THADA: variants seen among roughly 807,000 people sequenced by gnomAD.
THADA encodes the protein tRNA (32-2'-O)-methyltransferase regulator THADA.
In THADA, 213 loss-of-function variants were observed where a neutral mutation model predicts 219.8. The ratio of observed to expected loss-of-function variants is 0.97; its 90% confidence interval spans 0.87 to 1.09. The LOEUF (loss-of-function observed/expected upper bound fraction) is 1.09, where lower values mean the gene tolerates loss of function less well. THADA is among the 50% of genes least tolerant of loss of function. THADA has a pLI of 0.00. For missense variants in THADA, 2,956 were observed against 2,311.3 expected (o/e 1.28, Z -5.72); for synonymous variants, 1,018 against 828.9 (o/e 1.23, Z -3.92).
intron 30 of THADA, among the ~76,000 whole-genome samples, chr2:43,328,959 C>T (rs1256332082): frequency 1.3e-5 from 2 of 152,152 alleles, no homozygotes; most frequent in Non-Finnish European, 2.9e-5. Context: ...TTCTATTAGG[C>T]ATCTTGTTCT....
intron 28 of THADA, chr2:43,408,276 T>A (rs1423685831): frequency 6.6e-6 from 1 of 152,178 alleles, no homozygotes; most frequent in Non-Finnish European, 1.5e-5. Context: ...GTCAAATCAC[T>A]TACAGTCATT....
chr2:43,367,693 C>T (rs1015250821), intron 29 of THADA, among the ~76,000 whole-genome samples: 4 of 152,128 alleles, frequency 2.6e-5, no homozygotes, highest in Admixed American at 6.5e-5. Flanking sequence ...TATTGAGTGA[C>T]GCTGCAACAA....
rs1340067743 is a variant in THADA at position 43,486,446 on chromosome 2, G to T, written c.3745-1121C>A. 2.0e-5 allele frequency: 3 copies of T among 152,156 alleles called. No individual in the cohort carries two copies. The East Asian group carries it at 5.8e-4, about 29-fold the overall frequency. 9.4% of individuals were successfully genotyped at this position (152,156 alleles called of 1,614,324 possible). The stretch of plus-strand genomic sequence containing the variant: ...ATATATATGTACTCACCTTGCTACA[G>T]TGTGTAAGGCCCTATACCAGCACCA... On this transcript the variant is annotated intron_variant, in intron 25 of 37. Coordinates refer to ENST00000405975, the MANE Select transcript of THADA (RefSeq NM_022065.5).
chr2:43,335,416 T>C (rs888953342), intron 30 of THADA, among the ~76,000 whole-genome samples: 4 of 152,186 alleles, frequency 2.6e-5, no homozygotes, highest in African/African-American at 9.7e-5. Context: ...CTGTGGGCTG[T>C]AGTACTCCAC....
At chr2:43,349,475 A>C (rs926872594) in intron 29 of THADA, among the ~76,000 whole-genome samples, 1 of 152,222 alleles carries the variant, frequency 6.6e-6, no homozygotes. Context: ...AAATATGTCT[A>C]GTTTATGCTG....
At chr2:43,527,689 T>G (rs991086228) in intron 22 of THADA, among the ~76,000 whole-genome samples, 190 bp downstream of exon 22, 5 of 152,206 alleles carry the variant, frequency 3.3e-5, no homozygotes, top group Non-Finnish European at 7.3e-5. Flanking sequence ...TAACTCAGTT[T>G]GGACGTTTCA....
At chr2:43,389,956 G>A (rs1255178086) in intron 29 of THADA, among the ~76,000 whole-genome samples, 1 of 152,158 alleles carries the variant, frequency 6.6e-6, no homozygotes, top group Non-Finnish European at 1.5e-5. Context: ...CTTGAGAGCA[G>A]AGAATATGCT....
At chr2:43,346,807 G>A (rs1266820922) in intron 29 of THADA, among the ~76,000 whole-genome samples, 1 of 152,190 alleles carries the variant, frequency 6.6e-6, no homozygotes, top group Non-Finnish European at 1.5e-5. Flanking sequence ...TCCTGACTCT[G>A]CCTGGTCATG....
chr2:43,344,023 T>G (rs1189429797), intron 30 of THADA, 99 bp downstream of exon 30: 8 of 815,902 alleles, frequency 9.8e-6, no homozygotes, highest in African/African-American at 1.7e-5. Flanking sequence ...AGAAAACTCA[T>G]GCCAATGACT....
chr2:43,262,268 G>T (rs571254569), intron 36 of THADA, among the ~76,000 whole-genome samples: 3 of 152,230 alleles, frequency 2.0e-5, no homozygotes, highest in Non-Finnish European at 2.9e-5. Context: ...GACTTTGGGG[G>T]CACTCCTTGA....
At chr2:43,380,178 T>TA (rs1294367843) in intron 29 of THADA, among the ~76,000 whole-genome samples, 1 of 152,168 alleles carries the variant, frequency 6.6e-6, no homozygotes, top group Non-Finnish European at 1.5e-5. Flanking sequence ...CGCAAATGTT[T>TA]AAAAAATCAA....
intron 29 of THADA, among the ~76,000 whole-genome samples, chr2:43,345,991 A>C (rs573591183): frequency 1.3e-5 from 2 of 152,326 alleles, no homozygotes; most frequent in African/African-American, 4.8e-5. Context: ...CAATTCTGTC[A>C]CATTGGGTAC....
At chr2:43,349,895 G>A (rs1372387576) in intron 29 of THADA, among the ~76,000 whole-genome samples, 1 of 152,180 alleles carries the variant, frequency 6.6e-6, no homozygotes. Flanking sequence ...CTTCAGCCAA[G>A]TATAAAATTT....
intron 7 of THADA, among the ~76,000 whole-genome samples, chr2:43,583,807 C>G (rs1700713463): frequency 6.6e-6 from 1 of 152,014 alleles, no homozygotes; most frequent in Non-Finnish European, 1.5e-5. Flanking sequence ...CTTTGGGGGA[C>G]TGGGGCAGGG....
rs558558115 is a variant in THADA at position 43,429,760 on chromosome 2, T to A, written c.3926+453A>T. On this transcript the variant is annotated intron_variant, in intron 27 of 37. Coordinates refer to ENST00000405975, the MANE Select transcript of THADA (RefSeq NM_022065.5). ...AAAATTTAACATAAAATAGCATTTT[T>A]AAAATATAAAGACAGGATTTTACAT... is the stretch of plus-strand genomic sequence containing the variant. 2.7e-4 allele frequency among the ~76,000 whole-genome samples: 41 copies of A among 152,028 alleles called. No homozygotes were observed. The East Asian group carries it at 6.7e-3, about 25-fold the overall frequency.
chr2:43,486,207 G>C (rs548586881), intron 25 of THADA, among the ~76,000 whole-genome samples: 1 of 152,278 alleles, frequency 6.6e-6, no homozygotes, highest in East Asian at 1.9e-4. Flanking sequence ...AACTTACCAA[G>C]TAATTTCAAT....
In THADA at chr2:43,515,106, ATATTTTATATATAATATATT is replaced by A. The variant is rs1691280082; in HGVS notation, c.3375-6346_3375-6327del. ...TATAAATATATATATTATATATAATATATTTTATATATAATATATTTTATATATAATATATAATATATTTT... is the reference window on the plus strand; with the variant it reads ...TATAAATATATATATTATATATAATATTATATATAATATATAATATATTTT... On this transcript the variant is annotated intron_variant, in intron 22 of 37. Transcript: ENST00000405975. Among the ~76,000 whole-genome samples, 2 of 24,472 alleles carry A rather than the reference ATATTTTATATATAATATATT, an allele frequency of 8.2e-5. 1 individual carries two copies. Among genetic ancestry groups the A allele is most frequent in the African/African-American group, 2.7e-4 (2 of 7,368 alleles). The allele number at this position is 24,472 out of a possible 152,430, so 16.1% of individuals were successfully genotyped here. A position where few individuals can be genotyped will look rare whatever the true frequency, so the allele number is the denominator to read the frequency against.
chr2:43,581,795 T>A lies in THADA; in HGVS notation c.667A>T (p.Ile223Leu). The change falls in exon 8 of 38, where the codon ATA becomes TTA. Residue 223 changes from isoleucine to leucine, a missense_variant. Ile to Leu is a conservative substitution (Grantham distance 5). Transcript: ENST00000405975. ...AGCAATCCACACATATTTTGCCATATGGGAGAATCGGAAGTCTTCCAAAGA... is the reference window on the plus strand; with the variant it reads ...AGCAATCCACACATATTTTGCCATAAGGGAGAATCGGAAGTCTTCCAAAGA... Reference protein sequence around the residue: ...GNLWKTSDSPIWQNMCGLLSI... With the variant: ...GNLWKTSDSPLWQNMCGLLSI... 6.2e-7 allele frequency: 1 copy of A among 1,612,776 alleles called. No homozygotes were observed. The highest frequency in any genetic ancestry group is 8.5e-7 in the Non-Finnish European group (1 of 1,179,688).
intron 22 of THADA, among the ~76,000 whole-genome samples, chr2:43,519,665 T>C (rs1157384174): frequency 1.3e-5 from 2 of 152,166 alleles, no homozygotes; most frequent in African/African-American, 4.8e-5. Flanking sequence ...TTCTCAATGG[T>C]CAAAGAGAGC....
Sources: allele counts gnomAD v4.1 joint callset (sites outside exome capture counted in the v4.1 genomes callset), GRCh38; gene constraint gnomAD v4.1.1; transcripts MANE v1.5; gene names NCBI Gene and HGNC (gene_info 2026-07-23, HGNC 2026-07-21).